The following ADRA1B variants were observed in gnomAD, a reference collection of about 807,000 sequenced individuals.
ADRA1B encodes adrenoceptor alpha 1B.
Under a neutral mutation model 17.9 loss-of-function variants are expected in ADRA1B, and 17 were observed. The ratio of observed to expected loss-of-function variants is 0.95; its 90% CI spans 0.65 to 1.42. The LOEUF is 1.42. Among genes scored for constraint, ADRA1B ranks in the 40% most tolerant of loss-of-function variants. The pLI is 0.00. For synonymous variants in ADRA1B, 366 were observed against 327.6 expected, an observed-to-expected ratio of 1.12 and a Z score of -1.27; for missense variants, 681 against 722.1, an observed-to-expected ratio of 0.94 and a Z score of 0.65.
At chr5:159,893,116 CAT>C (rs1197777741) in intron 1 of ADRA1B, among the ~76,000 whole-genome samples, 1 of 152,178 alleles carries the variant, frequency 6.6e-6, no homozygotes, top group Non-Finnish European at 1.5e-5. Context: ...ATTAATCAAA[CAT>C]GTGTCATTGA....
intron 1 of ADRA1B, among the ~76,000 whole-genome samples, chr5:159,876,156 C>T (rs986863164): frequency 1.6e-4 from 24 of 152,230 alleles, no homozygotes; most frequent in Non-Finnish European, 1.6e-4. Flanking sequence ...GCCACTGCAC[C>T]CCAGCTGGGG....
At chr5:159,905,145 G>A (rs1483784408) in intron 1 of ADRA1B, among the ~76,000 whole-genome samples, 1 of 152,168 alleles carries the variant, frequency 6.6e-6, no homozygotes, top group Non-Finnish European at 1.5e-5. Context: ...TCAGATTTGG[G>A]GGTTGCTGGA....
chr5:159,937,163 T>C (rs1283293396), intron 1 of ADRA1B, among the ~76,000 whole-genome samples: 1 of 152,256 alleles, frequency 6.6e-6, no homozygotes, highest in Non-Finnish European at 1.5e-5. Context: ...TGTATGTGTA[T>C]TTCCTGTTTT....
chr5:159,936,404 A>G (rs779573742), intron 1 of ADRA1B, among the ~76,000 whole-genome samples: 1 of 152,216 alleles, frequency 6.6e-6, no homozygotes, highest in Non-Finnish European at 1.5e-5. Flanking sequence ...TTTTACATAA[A>G]TTATCTCACT....
At position 159,917,839 on chromosome 5, in the gene ADRA1B, A is replaced by T; in HGVS notation, c.934A>T (p.Ile312Phe). The T allele has an allele frequency of 6.2e-7, 1 of 1,607,578 alleles. No individual in the cohort carries two copies. The highest frequency in any genetic ancestry group is 8.5e-7 in the Non-Finnish European group (1 of 1,177,512). The stretch of plus-strand genomic sequence containing the variant: ...CATCTTGTGCTGGCTACCCTTCTTC[A>T]TCGCTCTACCGCTTGGTAAGTTGGG... ...MFILCWLPFF[I>F]ALPLGSLFST... The change falls in exon 1 of 2, where the codon ATC becomes TTC. Residue 312 changes from isoleucine (I) to phenylalanine (F), a missense_variant. This residue lies in a region of ADRA1B where 424 missense variants were observed against 480.2 expected (regional missense o/e 0.88). Coordinates refer to ENST00000306675, the MANE Select transcript of ADRA1B (RefSeq NM_000679.4).
intron 1 of ADRA1B, among the ~76,000 whole-genome samples, chr5:159,943,528 A>T (rs1755190787): frequency 6.6e-6 from 1 of 152,040 alleles, no homozygotes; most frequent in Non-Finnish European, 1.5e-5. Flanking sequence ...CTGATTAAAG[A>T]TCGTTAGTCT....
chr5:159,876,811 C>T (rs1270399353), intron 1 of ADRA1B, among the ~76,000 whole-genome samples: 2 of 152,166 alleles, frequency 1.3e-5, no homozygotes, highest in African/African-American at 4.8e-5. Flanking sequence ...GACGATTTGT[C>T]CCTTCTTCTG....
At position 159,917,201 on chromosome 5, in the gene ADRA1B, T is replaced by C; in HGVS notation, c.296T>C (p.Leu99Pro). The stretch of plus-strand genomic sequence containing the variant: ...GACCTGCTGTTGAGCTTCACCGTCC[T>C]GCCCTTCTCAGCGGCCCTAGAGGTG... Reference protein sequence around the residue: ...MADLLLSFTVLPFSAALEVLG... With the variant: ...MADLLLSFTVPPFSAALEVLG... The change falls in exon 1 of 2, where the codon CTG becomes CCG. Residue 99 changes from leucine (L) to proline (P), a missense_variant. Leu to Pro is a moderately conservative substitution (Grantham distance 98). Around this residue, in one of 3 missense-constraint regions of ADRA1B, gnomAD observed 424 missense variants for 480.2 expected, o/e 0.88. Coordinates refer to ENST00000306675, the MANE Select transcript of ADRA1B (RefSeq NM_000679.4). The C allele has an allele frequency of 6.2e-7, 1 of 1,614,186 alleles. No homozygotes were observed. The highest frequency in any genetic ancestry group is 8.5e-7 in the Non-Finnish European group (1 of 1,180,042).
At chr5:159,980,755 A>T in the ADRA1B span, among the ~76,000 whole-genome samples, 2 of 152,162 alleles carry the variant, frequency 1.3e-5, no homozygotes, top group East Asian at 3.8e-4. Context: ...CAACAGTATT[A>T]GTGATTAGCA....
At chr5:159,909,617 C>T (rs1173445842) in intron 1 of ADRA1B, among the ~76,000 whole-genome samples, 1 of 152,246 alleles carries the variant, frequency 6.6e-6, no homozygotes, top group African/African-American at 2.4e-5. Flanking sequence ...CTCTATGCAT[C>T]CTCCATTGCA....
intron 1 of ADRA1B, among the ~76,000 whole-genome samples, chr5:159,932,461 C>T (rs948364991): frequency 6.6e-6 from 1 of 152,100 alleles, no homozygotes; most frequent in Admixed American, 6.5e-5. Context: ...CTCAGCCTTT[C>T]CCATCTTTTT....
At chr5:159,923,072 CAGG>C (rs1339034148) in intron 1 of ADRA1B, among the ~76,000 whole-genome samples, 1 of 152,166 alleles carries the variant, frequency 6.6e-6, no homozygotes, top group Non-Finnish European at 1.5e-5. Flanking sequence ...AAAGTGTGGG[CAGG>C]AGGAGGGGCA....
upstream of ADRA1B, among the ~76,000 whole-genome samples, chr5:159,914,025 A>G (rs752266): frequency 0.11 from 17,233 of 152,058 alleles, 1,347 homozygotes; most frequent in East Asian, 0.26. Flanking sequence ...ATACATTGGG[A>G]ATGGTGGGAA....
Position 159,916,723 on chromosome 5 carries a change from G to T in ADRA1B, c.-183G>T. 1.7e-6 allele frequency: 1 copy of T among 583,340 alleles called. No homozygotes were observed. Among genetic ancestry groups the T allele is most frequent in the Non-Finnish European group, 3.0e-6 (1 of 331,582 alleles). The allele number at this position is 583,340 out of a possible 1,614,324, so 36.1% of individuals were successfully genotyped here. On this transcript the variant is annotated 5_prime_UTR_variant, in exon 1 of 2. Transcript: ENST00000306675. ...TCCTCCCTCTGACAGGCGAGCGAGCGACTCGGTGCAGGCAGGAGACGTGCT... is the reference window on the plus strand; with the variant it reads ...TCCTCCCTCTGACAGGCGAGCGAGCTACTCGGTGCAGGCAGGAGACGTGCT...
rs371637793 is a variant in ADRA1B, at chr5:159,907,955, T to TCACACACACACACA, written c.-255-8147_-255-8134dup. Among the ~76,000 whole-genome samples, 1,029 of 147,000 alleles carry TCACACACACACACA rather than the reference T, an allele frequency of 7.0e-3. 16 individuals are homozygous for TCACACACACACACA. Among genetic ancestry groups the TCACACACACACACA allele is most frequent in the African/African-American group, 0.024 (971 of 39,974 alleles). ...TTTGTTCTCTCTCTCTCTCTCTCTG[T>TCACACACACACACA]CACACACACACACACACACACACAC... On this transcript the variant is annotated intron_variant, in intron 1 of 2. Transcript: ENST00000641205.
chr5:159,875,007 T>C (rs573991663), intron 1 of ADRA1B, among the ~76,000 whole-genome samples: 1 of 152,274 alleles, frequency 6.6e-6, no homozygotes, highest in East Asian at 1.9e-4. Context: ...ACAGCACTAA[T>C]TAAGTCAAAC....
the ADRA1B span, among the ~76,000 whole-genome samples, chr5:159,985,979 C>G: frequency 6.6e-6 from 1 of 152,222 alleles, no homozygotes; most frequent in African/African-American, 2.4e-5. Flanking sequence ...GCAGTGACTA[C>G]TCTTTAATGC....
At chr5:159,892,159 C>G (rs1753989487) in intron 1 of ADRA1B, among the ~76,000 whole-genome samples, 1 of 152,142 alleles carries the variant, frequency 6.6e-6, no homozygotes, top group Non-Finnish European at 1.5e-5. Context: ...ATTGCTTGAA[C>G]CCGGGAGGTG....
intron 1 of ADRA1B, among the ~76,000 whole-genome samples, chr5:159,906,230 G>T: frequency 6.6e-6 from 1 of 152,168 alleles, no homozygotes; most frequent in East Asian, 1.9e-4. Flanking sequence ...TTTAAGACCT[G>T]CATCCTATAA....
Sources: allele counts gnomAD v4.1 joint callset (sites outside exome capture counted in the v4.1 genomes callset), GRCh38; gene constraint gnomAD v4.1.1; regional missense constraint gnomAD v4.1.1; transcripts MANE v1.5; gene names NCBI Gene and HGNC (gene_info 2026-07-23, HGNC 2026-07-21).